The following ARHGAP26 variants were observed in gnomAD, a reference collection of about 807,000 sequenced individuals.
ARHGAP26 encodes the protein Rho GTPase activating protein 26, also known as rho GTPase-activating protein 26.
ARHGAP26 carries 38 observed loss-of-function variants against 104.8 expected under a neutral mutation model. That is an observed-to-expected ratio of 0.36 (90% CI 0.28 to 0.48). ARHGAP26 has a LOEUF of 0.48. Ranked by LOEUF, ARHGAP26 falls within the 20% of genes least tolerant of loss-of-function variation. The probability of loss-of-function intolerance (pLI) is 0.99; values close to 1 mark genes in which losing one functional copy is unlikely to be tolerated. For synonymous variants in ARHGAP26, 341 were observed against 340.0 expected, an observed-to-expected ratio of 1.00 and a Z score of -0.03; for missense variants, 704 against 947.9, an observed-to-expected ratio of 0.74 and a Z score of 3.38.
intron 11 of ARHGAP26, among the ~76,000 whole-genome samples, chr5:142,987,109 G>C (rs1200347572): frequency 6.6e-6 from 1 of 152,216 alleles, no homozygotes; most frequent in East Asian, 1.9e-4. Flanking sequence ...TCACGATATT[G>C]ATTCTTCCTA....
intron 1 of ARHGAP26, among the ~76,000 whole-genome samples, chr5:142,865,220 A>T (rs1754050180): frequency 6.6e-6 from 1 of 152,258 alleles, no homozygotes; most frequent in Middle Eastern, 3.4e-3. Context: ...TCCAATGCTG[A>T]CTAACTCACT....
chr5:143,168,742 G>A (rs1222871858), intron 20 of ARHGAP26: 1 of 152,104 alleles, frequency 6.6e-6, no homozygotes, highest in Non-Finnish European at 1.5e-5. Flanking sequence ...TCTAGGCTCT[G>A]AGAGGGTAAA....
chr5:142,912,250 T>G (rs938859875), intron 9 of ARHGAP26, among the ~76,000 whole-genome samples: 43 of 152,302 alleles, frequency 2.8e-4, no homozygotes, highest in African/African-American at 9.9e-4. Flanking sequence ...GCCCTTGATA[T>G]GCACAACAAT....
At chr5:143,052,985 C>T (rs755547592) in intron 14 of ARHGAP26, among the ~76,000 whole-genome samples, 1 of 152,118 alleles carries the variant, frequency 6.6e-6, no homozygotes, top group Non-Finnish European at 1.5e-5. Flanking sequence ...GAAATCCTGA[C>T]CTCACCTGGC....
intron 20 of ARHGAP26, among the ~76,000 whole-genome samples, chr5:143,153,790 AC>A (rs35508295): frequency 0.15 from 23,367 of 152,130 alleles, 2,118 homozygotes; most frequent in Non-Finnish European, 0.21. Context: ...GTCTTAACAC[AC>A]ACGCTCATGC....
At chr5:143,165,279 G>A (rs906594157) in intron 20 of ARHGAP26, 1 of 152,282 alleles carries the variant, frequency 6.6e-6, no homozygotes, top group East Asian at 1.9e-4. Flanking sequence ...GAACATACAG[G>A]TTGGGGTTTT....
At chr5:142,776,111 C>G (rs1756262921) in intron 1 of ARHGAP26, among the ~76,000 whole-genome samples, 1 of 152,090 alleles carries the variant, frequency 6.6e-6, no homozygotes, top group South Asian at 2.1e-4. Context: ...CCATAAAATT[C>G]ACCTTTTAAG....
At chr5:142,986,729 C>T (rs1181106146) in intron 11 of ARHGAP26, among the ~76,000 whole-genome samples, 1 of 152,172 alleles carries the variant, frequency 6.6e-6, no homozygotes, top group Non-Finnish European at 1.5e-5. Flanking sequence ...ATATGGCTAG[C>T]CAGTTTTCCC....
intron 20 of ARHGAP26, 78 bp from the exon 21 acceptor site, chr5:143,207,120 T>C (rs890274424): frequency 9.7e-5 from 150 of 1,541,092 alleles, no homozygotes; most frequent in Non-Finnish European, 1.3e-4. Flanking sequence ...TTCCGTCATC[T>C]GGCCTCCCAT....
At chr5:143,201,010 A>C (rs1442198782) in intron 20 of ARHGAP26, among the ~76,000 whole-genome samples, 1 of 152,246 alleles carries the variant, frequency 6.6e-6, no homozygotes, top group Non-Finnish European at 1.5e-5. Flanking sequence ...TATCAGCCAC[A>C]ACCCATTATG....
At chr5:143,218,111 C>T (rs986905579) in intron 22 of ARHGAP26, among the ~76,000 whole-genome samples, 3 of 152,222 alleles carry the variant, frequency 2.0e-5, no homozygotes, top group Non-Finnish European at 4.4e-5. Flanking sequence ...CACAGACACT[C>T]ATGCCTTTGT....
intron 20 of ARHGAP26, among the ~76,000 whole-genome samples, chr5:143,197,988 C>G (rs184002777): frequency 6.6e-6 from 1 of 152,334 alleles, no homozygotes; most frequent in African/African-American, 2.4e-5. Context: ...GTTCCCCACT[C>G]TCAACCCCCT....
chr5:142,825,129 C>T (rs1183088186), intron 1 of ARHGAP26, among the ~76,000 whole-genome samples: 2 of 152,128 alleles, frequency 1.3e-5, no homozygotes, highest in African/African-American at 2.4e-5. Context: ...TCTTGCTGTG[C>T]GATCTTGGGC....
intron 1 of ARHGAP26, among the ~76,000 whole-genome samples, chr5:142,841,286 A>C (rs1035043617): frequency 6.6e-6 from 1 of 152,220 alleles, no homozygotes; most frequent in South Asian, 2.1e-4. Flanking sequence ...TGATAGGGAA[A>C]GACTAATGTC....
rs367647862 is a variant in ARHGAP26, at chr5:142,900,623, A to T, written c.598-1312A>T. 2.6e-3 allele frequency among the ~76,000 whole-genome samples: 367 copies of T among 142,766 alleles called. 7 individuals carry two copies. In the East Asian group the frequency reaches 0.046, roughly 18 times the overall value. 93.7% of individuals were successfully genotyped at this position (142,766 alleles called of 152,430 possible). On this transcript the variant is annotated intron_variant, in intron 6 of 22. Transcript: ENST00000645722. ...GGAGAGTAGGGGGAGGGGGGGCGGG[A>T]TGAGATTCCTTTACCGTCACTTATT...
intron 1 of ARHGAP26, among the ~76,000 whole-genome samples, chr5:142,812,066 G>C (rs2152026026): frequency 6.6e-6 from 1 of 152,174 alleles, no homozygotes; most frequent in Non-Finnish European, 1.5e-5. Flanking sequence ...TTTTGGAAAG[G>C]ATCTTTTGTG....
At chr5:142,796,829 T>G (rs184649206) in intron 1 of ARHGAP26, among the ~76,000 whole-genome samples, 1 of 152,364 alleles carries the variant, frequency 6.6e-6, no homozygotes, top group African/African-American at 2.4e-5. Context: ...GCCTGGTGTC[T>G]CTGGTACCAT....
intron 17 of ARHGAP26, among the ~76,000 whole-genome samples, chr5:143,058,623 G>A (rs1207126474): frequency 1.3e-5 from 2 of 152,258 alleles, no homozygotes; most frequent in African/African-American, 4.8e-5. Flanking sequence ...TTGAACTGAT[G>A]TGTTATAAAT....
intron 9 of ARHGAP26, 96 bp from the exon 10 acceptor site, chr5:142,913,103 A>G: frequency 1.9e-6 from 2 of 1,059,312 alleles, no homozygotes; most frequent in Non-Finnish European, 1.5e-6. Context: ...ATTTGAGAAG[A>G]TGAAATGATT....
Sources: allele counts gnomAD v4.1 joint callset (sites outside exome capture counted in the v4.1 genomes callset), GRCh38; gene constraint gnomAD v4.1.1; transcripts MANE v1.5; gene names NCBI Gene and HGNC (gene_info 2026-07-23, HGNC 2026-07-21).